The following SLC17A5 variants were observed in gnomAD, a reference collection of about 807,000 sequenced individuals.
The protein encoded by SLC17A5 is sialin.
SLC17A5 carries 47 observed loss-of-function variants against 59.4 expected under a neutral mutation model. The ratio of observed to expected loss-of-function variants is 0.79; its 90% CI spans 0.63 to 1.01. The LOEUF (loss-of-function observed/expected upper bound fraction) is 1.01, where lower values mean the gene tolerates loss of function less well. SLC17A5 is among the 50% of genes least tolerant of loss of function. The probability of loss-of-function intolerance (pLI) is 0.00; values close to 1 mark genes in which losing one functional copy is unlikely to be tolerated. For synonymous variants in SLC17A5, 202 were observed against 210.7 expected (o/e 0.96, Z 0.36); for missense variants, 522 against 595.5 (o/e 0.88, Z 1.28).
chr6:73,642,517 G>A (rs74461321), intron 2 of SLC17A5, among the ~76,000 whole-genome samples: 231 of 152,280 alleles, frequency 1.5e-3, no homozygotes, highest in African/African-American at 5.3e-3. Context: ...CATAAATGTA[G>A]ATATTAATAA....
At chr6:73,653,158 C>A in intron 1 of SLC17A5, 1 of 985,430 alleles carries the variant, frequency 1.0e-6, no homozygotes, top group Non-Finnish European at 1.2e-6. Flanking sequence ...TAGTCTCTTA[C>A]TGCACAATGT....
chr6:73,634,070 A>G (rs181274692), intron 6 of SLC17A5, among the ~76,000 whole-genome samples: 212 of 152,108 alleles, frequency 1.4e-3, no homozygotes, highest in Middle Eastern at 6.8e-3. Flanking sequence ...AAAGGCAAAC[A>G]TTTTGTTTCC....
At position 73,638,430 on chromosome 6, in the gene SLC17A5, G is replaced by A. The variant is rs749772191; in HGVS notation, c.595C>T (p.Leu199Phe). ...WAPPLERSKL[L>F]SISYAGAQLG... is the part of the protein sequence containing the mutation. ...ATCTCACCTGCATATGAAATGCTAA[G>A]AAGTTTGCTTCTTTCAAGAGGGGGA... The change falls in exon 4 of 11, where the codon CTT (leucine) becomes TTT (phenylalanine). Residue 199 changes from leucine (L) to phenylalanine (F), a missense_variant. Physicochemically the swap from Leu to Phe is conservative, Grantham distance 22. Transcript: ENST00000355773. The A allele has an allele frequency of 6.2e-7, 1 of 1,613,802 alleles. No homozygotes were observed. Among genetic ancestry groups the A allele is most frequent in the East Asian group, 2.2e-5 (1 of 44,878 alleles).
At chr6:73,638,263 T>C (rs1290388885) in intron 4 of SLC17A5, 149 bp downstream of exon 4, 6 of 648,488 alleles carry the variant, frequency 9.3e-6, no homozygotes, top group African/African-American at 3.6e-5. Context: ...AGAGAAAAAT[T>C]GGTAATAAAG....
chr6:73,600,440 A>T lies in SLC17A5; in HGVS notation c.1261T>A (p.Tyr421Asn), dbSNP rs775750187. ...GTGATGCCCAGGAGGATACCAGCAT[A>T]CCTGTAGAAACATTTTCATAGACGT... ...SINHLDIAPS[Y>N]AGILLGITNT... The change falls in exon 10 of 11, where the codon TAT becomes AAT. Residue 421 changes from tyrosine to asparagine, a missense_variant and splice_region_variant. Transcript: ENST00000355773. 9 of 1,608,314 alleles carry T rather than the reference A, an allele frequency of 5.6e-6. No individual in the cohort carries two copies. The highest frequency in any genetic ancestry group is 1.3e-5 in the African/African-American group (1 of 74,692).
chr6:73,618,252 A>G (rs1767966003), intron 7 of SLC17A5: 1 of 54,166 alleles, frequency 1.8e-5, no homozygotes, highest in Admixed American at 1.6e-4. Flanking sequence ...ATGAAATAAA[A>G]TAAAATAAAA....
intron 9 of SLC17A5, among the ~76,000 whole-genome samples, chr6:73,605,498 C>T (rs1313090038): frequency 6.6e-6 from 1 of 152,112 alleles, no homozygotes; most frequent in Non-Finnish European, 1.5e-5. Flanking sequence ...AGCCAAGACT[C>T]CTGCAACTAG....
chr6:73,653,109 A>T, intron 1 of SLC17A5: 2 of 985,478 alleles, frequency 2.0e-6, no homozygotes, highest in Non-Finnish European at 2.4e-6. Flanking sequence ...AACTTAAATC[A>T]TAGACTGCCA....
At position 73,653,955 on chromosome 6, in the gene SLC17A5, C is replaced by T; in HGVS notation, c.-69G>A. On this transcript the variant is annotated 5_prime_UTR_variant, in exon 1 of 11. Coordinates refer to ENST00000355773, the MANE Select transcript of SLC17A5 (RefSeq NM_012434.5). ...GAGCGCCGGCCCGACAGCCCGAAGC[C>T]CCCGGGCCGAGCTGGCTGGACCGGG... 7.1e-7 allele frequency: 1 copy of T among 1,407,118 alleles called. No homozygotes were observed. The highest frequency in any genetic ancestry group is 9.8e-7 in the Non-Finnish European group (1 of 1,019,330). The allele number at this position is 1,407,118 out of a possible 1,614,324, so 87.2% of individuals were successfully genotyped here. A position where few individuals can be genotyped will look rare whatever the true frequency, so the allele number is the denominator to read the frequency against.
At chr6:73,633,219 T>A (rs9446966) in intron 6 of SLC17A5, among the ~76,000 whole-genome samples, 24,396 of 148,906 alleles carry the variant, frequency 0.16, 3,102 homozygotes, top group African/African-American at 0.35. Flanking sequence ...CAGACCCAAG[T>A]AACCTTGGAT....
At chr6:73,645,306 A>G (rs2150121431) in intron 1 of SLC17A5, 1 of 985,268 alleles carries the variant, frequency 1.0e-6, no homozygotes, top group Non-Finnish European at 1.2e-6. Flanking sequence ...AGTATCCTCA[A>G]AGGCTGGGTT....
chr6:73,648,344 C>T (rs1423705589), intron 1 of SLC17A5, among the ~76,000 whole-genome samples: 1 of 152,218 alleles, frequency 6.6e-6, no homozygotes, highest in Non-Finnish European at 1.5e-5. Context: ...CAAAATCATG[C>T]TTGCATAAGG....
chr6:73,636,522 T>A, intron 5 of SLC17A5, 99 bp downstream of exon 5: 1 of 729,082 alleles, frequency 1.4e-6, no homozygotes, highest in Non-Finnish European at 2.4e-6. Flanking sequence ...AGAACTGTGG[T>A]TCAGTGATTT....
At chr6:73,600,282 T>C (rs1403635330) in intron 10 of SLC17A5, 69 bp downstream of exon 10, 5 of 1,166,516 alleles carry the variant, frequency 4.3e-6, no homozygotes, top group East Asian at 2.5e-5. Flanking sequence ...TTAATTAAAA[T>C]ACACTGAACT....
chr6:73,644,622 A>G lies in SLC17A5; in HGVS notation c.95-19T>C, dbSNP rs760779975. 3.7e-6 allele frequency: 6 copies of G among 1,604,056 alleles called. No individual in the cohort carries two copies. In the African/African-American group the frequency reaches 6.7e-5, roughly 18 times the overall value. ...ACTGGAGCTGAAATAAAGATTGGGG[A>G]AAATTTTTATTTATTTTTAAATTTT... is the stretch of plus-strand genomic sequence containing the variant. On this transcript the variant is annotated intron_variant, in intron 1 of 10. Transcript: ENST00000355773.
chr6:73,640,867 C>T (rs1184132545), intron 3 of SLC17A5, among the ~76,000 whole-genome samples: 1 of 151,806 alleles, frequency 6.6e-6, no homozygotes, highest in African/African-American at 2.4e-5. Context: ...CTAAAAAGAG[C>T]AGAATCATAG....
chr6:73,629,224 C>CA (rs1177165333), intron 6 of SLC17A5, among the ~76,000 whole-genome samples: 1 of 151,918 alleles, frequency 6.6e-6, no homozygotes, highest in African/African-American at 2.4e-5. Flanking sequence ...CCTGTCTCTA[C>CA]AAAAAATACA....
At chr6:73,615,888 T>G (rs866053959) in intron 7 of SLC17A5, among the ~76,000 whole-genome samples, 6,637 of 142,790 alleles carry the variant, frequency 0.046, 422 homozygotes, top group African/African-American at 0.15. Flanking sequence ...TTCTTTTTTT[T>G]TTTTTTTTTT....
chr6:73,594,636 C>T lies in SLC17A5; in HGVS notation c.*441G>A, dbSNP rs2150070702. The stretch of plus-strand genomic sequence containing the variant: ...AATTATACAGTGGATGGCAGCTCCA[C>T]AGAGATGCTAAAGTTTGAGGTCTAA... On this transcript the variant is annotated 3_prime_UTR_variant, in exon 11 of 11. Coordinates refer to ENST00000355773, the MANE Select transcript of SLC17A5 (RefSeq NM_012434.5). 4.4e-6 allele frequency: 1 copy of T among 225,002 alleles called. No individual in the cohort carries two copies. The highest frequency in any genetic ancestry group is 6.3e-5 in the South Asian group (1 of 15,840). 13.9% of individuals were successfully genotyped at this position (225,002 alleles called of 1,614,324 possible). A position where few individuals can be genotyped will look rare whatever the true frequency, so the allele number is the denominator to read the frequency against.
Sources: gnomAD v4.1 joint callset for allele counts (sites outside exome capture counted in the v4.1 genomes callset) on GRCh38, gnomAD v4.1.1 for gene constraint, MANE v1.5 for transcripts, NCBI Gene and HGNC (gene_info 2026-07-23, HGNC 2026-07-21) for gene names.